TJP2: variants seen among roughly 807,000 people sequenced by gnomAD.
TJP2 encodes Friedreich ataxia region gene X104 (tight junction protein ZO-2).
TJP2 carries 91 observed loss-of-function variants against 133.1 expected under a neutral mutation model. The ratio of observed to expected loss-of-function variants is 0.68; its 90% CI spans 0.58 to 0.81. The LOEUF is 0.81. Among genes scored for constraint, TJP2 ranks in the 40% least tolerant of loss-of-function variants. The pLI is 0.00. For synonymous variants in TJP2, 592 were observed against 583.4 expected (o/e 1.01, Z -0.21); for missense variants, 1,541 against 1,565.6 (o/e 0.98, Z 0.26).
intron 1 of TJP2, among the ~76,000 whole-genome samples, chr9:69,140,458 G>A (rs1260846330): frequency 1.3e-5 from 2 of 152,162 alleles, no homozygotes; most frequent in Non-Finnish European, 2.9e-5. Context: ...TACAGAGTGG[G>A]AGGGGTGTGT....
intron 1 of TJP2, among the ~76,000 whole-genome samples, chr9:69,199,413 C>A (rs1826829197): frequency 6.6e-6 from 1 of 152,050 alleles, no homozygotes; most frequent in African/African-American, 2.4e-5. Context: ...GCCTTTAAGT[C>A]CCAGCTACTC....
intron 1 of TJP2, among the ~76,000 whole-genome samples, chr9:69,209,830 A>G (rs1030659556): frequency 6.6e-6 from 1 of 152,256 alleles, no homozygotes; most frequent in African/African-American, 2.4e-5. Flanking sequence ...GTGCTTCCAC[A>G]TATTGGAAAA....
intron 3 of TJP2, among the ~76,000 whole-genome samples, chr9:69,216,721 A>G (rs1828412092): frequency 1.3e-5 from 2 of 152,192 alleles, no homozygotes; most frequent in South Asian, 2.1e-4. Flanking sequence ...CATCCCTCCT[A>G]GGTTTAGGAA....
At chr9:69,248,589 A>C in intron 19 of TJP2, 1 of 1,176,450 alleles carries the variant, frequency 8.5e-7, no homozygotes. Flanking sequence ...CTGTACTCTT[A>C]GATGTCCTTG....
intron 1 of TJP2, among the ~76,000 whole-genome samples, chr9:69,182,962 ATT>A (rs796917143): frequency 3.8e-5 from 5 of 132,226 alleles, no homozygotes; most frequent in Admixed American, 1.5e-4. Context: ...CTAATTTTGT[ATT>A]TTTTTTTTTT....
chr9:69,143,204 T>C (rs1281933180), intron 1 of TJP2, among the ~76,000 whole-genome samples: 1 of 152,240 alleles, frequency 6.6e-6, no homozygotes, highest in East Asian at 1.9e-4. Flanking sequence ...AATCACTTTG[T>C]AAGAGCTGCA....
intron 1 of TJP2, among the ~76,000 whole-genome samples, chr9:69,141,627 TG>T (rs1262811262): frequency 2.0e-5 from 3 of 152,220 alleles, no homozygotes; most frequent in Non-Finnish European, 4.4e-5. Flanking sequence ...AGTCTCACTC[TG>T]TCACTCAGGC....
chr9:69,211,228 C>T (rs1588066973), intron 1 of TJP2, among the ~76,000 whole-genome samples: 1 of 152,028 alleles, frequency 6.6e-6, no homozygotes, highest in African/African-American at 2.4e-5. Context: ...TCCTAGCTAC[C>T]CAGGAGACTG....
At chr9:69,186,545 A>T (rs1223278926) in intron 1 of TJP2, among the ~76,000 whole-genome samples, 1 of 152,236 alleles carries the variant, frequency 6.6e-6, no homozygotes, top group Non-Finnish European at 1.5e-5. Context: ...GCCAGGGCTA[A>T]CAATGGATGT....
At chr9:69,121,604 G>A (rs1052388224) in exon 1 of TJP2, 1 of 153,430 alleles carries the variant, frequency 6.5e-6, no homozygotes, top group Non-Finnish European at 1.4e-5. Flanking sequence ...CGCGCGCAGG[G>A]AGCGCAGGGG....
At position 69,237,902 on chromosome 9, in the gene TJP2, T is replaced by C; in HGVS notation, c.2204T>C (p.Leu735Ser). 6.2e-7 allele frequency: 1 copy of C among 1,613,988 alleles called. No individual in the cohort carries two copies. Among genetic ancestry groups the C allele is most frequent in the Non-Finnish European group, 8.5e-7 (1 of 1,179,878 alleles). ...REAGFKRPVV[L>S]FGPIADIAME... ...GCTGGTTTCAAGAGACCTGTGGTCT[T>C]ATTCGGCCCCATAGCTGATATAGCA... The change falls in exon 15 of 23, where the codon TTA becomes TCA. Residue 735 changes from leucine to serine, a missense_variant. Coordinates refer to ENST00000377245, the MANE Select transcript of TJP2 (RefSeq NM_004817.4).
upstream of TJP2, chr9:69,174,208 C>A: frequency 7.1e-7 from 1 of 1,399,788 alleles, no homozygotes; most frequent in Non-Finnish European, 9.3e-7. Context: ...GACGCCGCCG[C>A]CGCCGCGGGA....
rs186102360 is a variant in TJP2, at chr9:69,151,483, A to G, written c.-130-168A>G. On this transcript the variant is annotated intron_variant, in intron 1 of 5. Transcript: ENST00000423935. ...CAACAAGAGCAAAACTCCGTCTCAA[A>G]AAAAAAAAAAAAGGATTGTGGTGAC... Among the ~76,000 whole-genome samples the G allele has an allele frequency of 3.0e-3, 456 of 151,326 alleles. 2 individuals carry two copies. The highest frequency in any genetic ancestry group is 0.01 in the African/African-American group (428 of 41,306).
At chr9:69,248,970 CAAAAAAAAAAAA>C in intron 19 of TJP2, 1 of 910,796 alleles carries the variant, frequency 1.1e-6, no homozygotes, top group Non-Finnish European at 1.3e-6. Flanking sequence ...ATAGAACTAC[CAAAAAAAAAAAA>C]AAAAAAAAGT....
intron 1 of TJP2, among the ~76,000 whole-genome samples, chr9:69,200,171 A>G (rs917047007): frequency 2.0e-5 from 3 of 151,836 alleles, no homozygotes; most frequent in Admixed American, 6.6e-5. Flanking sequence ...GAGTACTCGC[A>G]ATGTCTTGAA....
At chr9:69,139,284 A>G (rs78851527) in intron 1 of TJP2, among the ~76,000 whole-genome samples, 8,488 of 152,200 alleles carry the variant, frequency 0.056, 369 homozygotes, top group East Asian at 0.22. Context: ...TATATTTCCC[A>G]CCTCCAAAAT....
chr9:69,243,970 G>A (rs1300758230), intron 17 of TJP2, among the ~76,000 whole-genome samples: 1 of 152,068 alleles, frequency 6.6e-6, no homozygotes, highest in Admixed American at 6.6e-5. Context: ...GGTCACTTGA[G>A]CTCAGGAGTT....
intron 2 of TJP2, among the ~76,000 whole-genome samples, chr9:69,160,891 G>T (rs893503750): frequency 2.6e-5 from 4 of 152,098 alleles, no homozygotes; most frequent in Non-Finnish European, 5.9e-5. Context: ...GGAGAGACTT[G>T]CCCCCTTGAT....
rs1828794515 is a variant in TJP2, at chr9:69,221,106, G to C, written c.562G>C (p.Glu188Gln). ...GRPHERARSR[E>Q]RDLSRDRSRG... ...TCCCCATGAGCGGGCCCGGAGCCGGGAGCGGGACCTCAGCCGGGACCGGAG... is the reference window on the plus strand; with the variant it reads ...TCCCCATGAGCGGGCCCGGAGCCGGCAGCGGGACCTCAGCCGGGACCGGAG... Residue 188 changes from glutamate (E) to glutamine (Q), a missense_variant, in exon 5 of 23, where the codon GAG becomes CAG. By Grantham distance (29) the Glu-to-Gln change is conservative (BLOSUM62 2). Transcript: ENST00000377245. The C allele has an allele frequency of 1.3e-6, 2 of 1,584,524 alleles. No homozygotes were observed. Among genetic ancestry groups the C allele is most frequent in the Admixed American group, 3.6e-5 (2 of 55,798 alleles).
Sources: gnomAD v4.1 joint callset for allele counts (sites outside exome capture counted in the v4.1 genomes callset) on GRCh38, gnomAD v4.1.1 for gene constraint, MANE v1.5 for transcripts, NCBI Gene and HGNC (gene_info 2026-07-23, HGNC 2026-07-21) for gene names.